CELF2: variants seen among roughly 807,000 people sequenced by gnomAD.
CELF2 encodes CUG triplet repeat RNA-binding protein 2.
A neutral mutation model predicts 62.6 loss-of-function variants in CELF2; 8 were observed. The ratio of observed to expected loss-of-function variants is 0.13; its 90% CI spans 0.07 to 0.23. The LOEUF (loss-of-function observed/expected upper bound fraction) is 0.23. Ranked by LOEUF, CELF2 falls within the 10% of genes least tolerant of loss-of-function variation. CELF2 has a pLI of 1.00. For missense variants in CELF2, 333 were observed against 671.0 expected, an observed-to-expected ratio of 0.50 and a Z score of 5.56; for synonymous variants, 258 against 250.0, an observed-to-expected ratio of 1.03 and a Z score of -0.30.
chr10:10,765,627 A>C, the CELF2 span, among the ~76,000 whole-genome samples: 3 of 152,170 alleles, frequency 2.0e-5, no homozygotes, highest in African/African-American at 7.2e-5. Context: ...GTCTCTGAGA[A>C]AGCCTTAAGT....
intron 1 of CELF2, among the ~76,000 whole-genome samples, chr10:11,032,146 C>A (rs1182058614): frequency 3.5e-5 from 3 of 86,396 alleles, no homozygotes; most frequent in Non-Finnish European, 5.2e-5. Context: ...AGGGCTTAGC[C>A]AAAAAAAAAA....
the CELF2 span, among the ~76,000 whole-genome samples, chr10:10,514,292 C>T: frequency 1.3e-5 from 2 of 152,210 alleles, no homozygotes; most frequent in African/African-American, 2.4e-5. Flanking sequence ...ACTAACTGAT[C>T]GATTCATGGA....
the CELF2 span, among the ~76,000 whole-genome samples, chr10:10,694,377 T>C: frequency 6.6e-6 from 1 of 150,816 alleles, no homozygotes; most frequent in Non-Finnish European, 1.5e-5. Flanking sequence ...GTCTGAGAGA[T>C]ACTTTGTTAT....
Position 11,223,769 on chromosome 10 carries a change from G to A in CELF2, c.354+6262G>A, listed in dbSNP as rs954951163. ...AGGTGCAACAGGATGGCTCCCAGCT[G>A]AGCGGTATAGATCCAGGAGAGGATA... On this transcript the variant is annotated intron_variant, in intron 3 of 12. Transcript: ENST00000633077. This position sits in a 1 kb window ranked among gnomAD's most constrained non-coding sequence, Gnocchi z 5.1. Among the ~76,000 whole-genome samples, 1 of 152,230 alleles carries A rather than the reference G, an allele frequency of 6.6e-6. No homozygotes were observed. The highest frequency in any genetic ancestry group is 2.4e-5 in the African/African-American group (1 of 41,464).
intron 1 of CELF2, among the ~76,000 whole-genome samples, chr10:11,072,418 G>C (rs1351147742): frequency 6.6e-6 from 1 of 152,214 alleles, no homozygotes; most frequent in Non-Finnish European, 1.5e-5. Flanking sequence ...GTTGGACTGT[G>C]TTTCCTGCAT....
At chr10:10,759,413 G>A in the CELF2 span, among the ~76,000 whole-genome samples, 10 of 147,176 alleles carry the variant, frequency 6.8e-5, no homozygotes, top group East Asian at 4.2e-4. Context: ...GGGTTCAAGC[G>A]ATTCTCCTAC....
Position 11,331,072 on chromosome 10 carries a change from T to TATTA in CELF2, c.*2022_*2023insAATT, listed in dbSNP as rs2132914750. ...ACCCTGTTTTGGGGCAAATGCTACC[T>TATTA]ATTTGTGTCACCTTTTGCTGAACTC... On this transcript the variant is annotated 3_prime_UTR_variant, in exon 13 of 13. Transcript: ENST00000633077. The TATTA allele has an allele frequency of 6.5e-6, 1 of 152,712 alleles. No homozygotes were observed. The highest frequency in any genetic ancestry group is 1.9e-4 in the East Asian group (1 of 5,190). 9.5% of individuals were successfully genotyped at this position (152,712 alleles called of 1,614,324 possible).
At chr10:10,721,348 G>T in the CELF2 span, among the ~76,000 whole-genome samples, 3 of 152,106 alleles carry the variant, frequency 2.0e-5, no homozygotes, top group Non-Finnish European at 4.4e-5. Context: ...TAATCTACAC[G>T]GAGATACACT....
the CELF2 span, among the ~76,000 whole-genome samples, chr10:10,617,433 G>C: frequency 6.6e-6 from 1 of 152,114 alleles, no homozygotes; most frequent in Non-Finnish European, 1.5e-5. Context: ...TCACAGCTCA[G>C]GTTCAGCAAA....
Position 11,236,293 on chromosome 10 carries a change from G to A in CELF2, c.355-12860G>A, listed in dbSNP as rs143658105. 1.9e-3 allele frequency among the ~76,000 whole-genome samples: 282 copies of A among 152,312 alleles called. 1 individual carries two copies. The highest frequency in any genetic ancestry group is 6.4e-3 in the African/African-American group (266 of 41,564). Reference sequence around the variant, plus strand: ...TTTGAACCAGAGATTTTAAAGATTTGCTTGTTAGAGGGGTATTCTTGTGGT... The same window carrying A: ...TTTGAACCAGAGATTTTAAAGATTTACTTGTTAGAGGGGTATTCTTGTGGT... On this transcript the variant is annotated intron_variant, in intron 3 of 12. Coordinates refer to ENST00000633077, the MANE Select transcript of CELF2 (RefSeq NM_001326342.2).
the CELF2 span, among the ~76,000 whole-genome samples, chr10:10,585,399 T>A: frequency 1.3e-3 from 199 of 151,724 alleles, 1 homozygote; most frequent in African/African-American, 4.7e-3. Context: ...TACACCTTTC[T>A]CTACCTTGGG....
intron 1 of CELF2, among the ~76,000 whole-genome samples, chr10:10,906,898 T>A (rs571089104): frequency 6.6e-6 from 1 of 152,126 alleles, no homozygotes; most frequent in East Asian, 1.9e-4. Context: ...TTCGTATTTT[T>A]AGTAGAGACG....
the CELF2 span, among the ~76,000 whole-genome samples, chr10:10,501,561 A>G: frequency 6.6e-6 from 1 of 152,170 alleles, no homozygotes; most frequent in Non-Finnish European, 1.5e-5. Context: ...AGCAATTGAC[A>G]GTGATATTGT....
chr10:10,542,578 T>G, the CELF2 span, among the ~76,000 whole-genome samples: 1 of 152,202 alleles, frequency 6.6e-6, no homozygotes, highest in Non-Finnish European at 1.5e-5. Flanking sequence ...GATTGGAGGC[T>G]GTTGGAATAG....
intron 1 of CELF2, among the ~76,000 whole-genome samples, chr10:11,164,518 CT>C (rs2066497591): frequency 2.0e-5 from 3 of 152,154 alleles, no homozygotes; most frequent in Admixed American, 1.3e-4. Context: ...AAAAGGCAGA[CT>C]TTCTTTTTTT....
At chr10:10,918,192 T>C (rs1430714411) in intron 1 of CELF2, among the ~76,000 whole-genome samples, 1 of 152,236 alleles carries the variant, frequency 6.6e-6, no homozygotes, top group African/African-American at 2.4e-5. Context: ...AAGAGACTTC[T>C]ATTGTAATAA....
intron 1 of CELF2, among the ~76,000 whole-genome samples, chr10:11,033,776 T>A (rs1459120432): frequency 6.6e-6 from 1 of 152,222 alleles, no homozygotes; most frequent in East Asian, 1.9e-4. Context: ...AAATACAGTG[T>A]GAGTCAGAAA....
intron 1 of CELF2, among the ~76,000 whole-genome samples, chr10:11,095,792 A>G (rs983939725): frequency 6.6e-6 from 1 of 151,620 alleles, no homozygotes; most frequent in African/African-American, 2.4e-5. Flanking sequence ...TCGAAATGAA[A>G]TTCTCACAAA....
At position 10,993,217 on chromosome 10, in the gene CELF2, T is replaced by C. The variant is rs1409969166; in HGVS notation, c.89+73218T>C. Among the ~76,000 whole-genome samples the C allele has an allele frequency of 2.0e-5, 3 of 152,102 alleles. No homozygotes were observed. The highest frequency in any genetic ancestry group is 2.9e-5 in the Non-Finnish European group (2 of 68,012). ...CTGTCCTTCAGATCTCCCAAGAATC[T>C]TGTGTCTCACCCTAACTAGAAATAT... On this transcript the variant is annotated intron_variant, in intron 2 of 13. Transcript: ENST00000636488. The surrounding 1 kb of genome is among the most constrained non-coding windows in gnomAD (Gnocchi z 5.3).
Sources: gnomAD v4.1 joint callset for allele counts (sites outside exome capture counted in the v4.1 genomes callset) on GRCh38, gnomAD v4.1.1 for gene constraint, Gnocchi (gnomAD v3.1) non-coding constraint, MANE v1.5 for transcripts, NCBI Gene and HGNC (gene_info 2026-07-23, HGNC 2026-07-21) for gene names.